The following PPP1R9A variants were observed in gnomAD, a reference collection of about 807,000 sequenced individuals.
PPP1R9A encodes protein phosphatase 1 regulatory subunit 9A.
A neutral mutation model predicts 141.9 loss-of-function variants in PPP1R9A; 59 were observed. That is an observed-to-expected ratio of 0.42 (90% CI 0.34 to 0.52). PPP1R9A has a LOEUF of 0.52. Among genes scored for constraint, PPP1R9A ranks in the 20% least tolerant of loss-of-function variants. PPP1R9A has a pLI of 0.10. For missense variants in PPP1R9A, 1,444 were observed against 1,611.9 expected (o/e 0.90, Z 1.78); for synonymous variants, 500 against 569.7 (o/e 0.88, Z 1.74).
At chr7:95,178,725 A>T (rs1282525184) in intron 5 of PPP1R9A, among the ~76,000 whole-genome samples, 5 of 152,204 alleles carry the variant, frequency 3.3e-5, no homozygotes, top group Admixed American at 6.5e-5. Flanking sequence ...AATACAAAAG[A>T]TCATTCAAGG....
rs1585651479 is a variant in PPP1R9A, at chr7:95,287,715, T to C, written c.3730-821T>C. ...TCTTTTTTTGTTTTTTAAGACAGTC[T>C]CACTCTGTTGCCCAGGCTGGAGTGC... On this transcript the variant is annotated intron_variant, in intron 18 of 19. Coordinates refer to ENST00000433360, the MANE Select transcript of PPP1R9A (RefSeq NM_001166160.2). Among the ~76,000 whole-genome samples, 3 of 152,320 alleles carry C rather than the reference T, an allele frequency of 2.0e-5. No homozygotes were observed. The South Asian group carries it at 6.2e-4, about 32-fold the overall frequency.
intron 19 of PPP1R9A, among the ~76,000 whole-genome samples, chr7:95,289,648 T>C (rs990230273): frequency 2.0e-5 from 3 of 152,222 alleles, no homozygotes; most frequent in African/African-American, 4.8e-5. Context: ...TTGGTTCTCA[T>C]TGTAATGAAA....
Position 95,288,678 on chromosome 7 carries a change from C to A in PPP1R9A, c.3872C>A (p.Thr1291Asn), listed in dbSNP as rs1805803176. 1.9e-6 allele frequency: 3 copies of A among 1,614,034 alleles called. No homozygotes were observed. Among genetic ancestry groups the A allele is most frequent in the Non-Finnish European group, 2.5e-6 (3 of 1,180,010 alleles). The stretch of plus-strand genomic sequence containing the variant: ...TCTGAATTCAGTGCCCAAAACATCA[C>A]TGGAGAACAGCTCCTGCAGTTGGAT... ...YVSEFSAQNI[T>N]GEQLLQLDGN... Residue 1291 changes from threonine (T) to asparagine (N), a missense_variant, in exon 19 of 20, where the codon ACT (threonine) becomes AAT (asparagine). By Grantham distance (65) the Thr-to-Asn change is moderately conservative (BLOSUM62 0). This residue lies in a region of PPP1R9A where 459 missense variants were observed against 513.8 expected (regional missense o/e 0.89). Coordinates refer to ENST00000433360, the MANE Select transcript of PPP1R9A (RefSeq NM_001166160.2).
At chr7:95,024,420 G>T (rs1041009965) in intron 2 of PPP1R9A, among the ~76,000 whole-genome samples, 3 of 152,080 alleles carry the variant, frequency 2.0e-5, no homozygotes, top group African/African-American at 7.2e-5. Context: ...AAATCTCTTT[G>T]TAGGTCTCTA....
chr7:95,206,841 C>T (rs575288448), intron 7 of PPP1R9A, among the ~76,000 whole-genome samples: 1 of 152,070 alleles, frequency 6.6e-6, no homozygotes, highest in East Asian at 1.9e-4. Context: ...TAGACAAAAC[C>T]CAGGGTCCAC....
Position 95,284,235 on chromosome 7 carries a change from A to G in PPP1R9A, c.3514A>G (p.Thr1172Ala). The G allele has an allele frequency of 6.4e-7, 1 of 1,566,796 alleles. No homozygotes were observed. The highest frequency in any genetic ancestry group is 8.7e-7 in the Non-Finnish European group (1 of 1,150,212). Reference sequence around the variant, plus strand: ...GTCCAAGGTAGAAAACACATGGATTACAAAAGCAAACAAGAGAAACCCAAA... The same window carrying G: ...GTCCAAGGTAGAAAACACATGGATTGCAAAAGCAAACAAGAGAAACCCAAA... ...KGSKVENTWI[T>A]KANKRNPNPS... is the part of the protein sequence containing the mutation. The change falls in exon 17 of 20, where the codon ACA (threonine) becomes GCA (alanine). Residue 1172 changes from threonine (T) to alanine (A), a missense_variant. Thr to Ala is a moderately conservative substitution (Grantham distance 58, BLOSUM62 0). Transcript: ENST00000433360.
intron 5 of PPP1R9A, among the ~76,000 whole-genome samples, chr7:95,186,253 A>AT (rs1395746233): frequency 6.7e-6 from 1 of 148,474 alleles, no homozygotes; most frequent in African/African-American, 2.4e-5. Flanking sequence ...CTCCCTAAAT[A>AT]TTTTTTTAGG....
intron 5 of PPP1R9A, chr7:95,176,400 A>G (rs1832899431): frequency 6.6e-6 from 1 of 152,160 alleles, no homozygotes; most frequent in South Asian, 2.1e-4. Flanking sequence ...TACCCAAATG[A>G]GAAGGAACCA....
chr7:95,071,471 T>C (rs1389546880), intron 2 of PPP1R9A, among the ~76,000 whole-genome samples: 1 of 152,008 alleles, frequency 6.6e-6, no homozygotes, highest in Non-Finnish European at 1.5e-5. Context: ...ATACAATATC[T>C]AGTTGAAATT....
In PPP1R9A at chr7:95,018,753, C is replaced by T. The variant is rs749890126; in HGVS notation, c.1396-92506C>T. Among the ~76,000 whole-genome samples the T allele has an allele frequency of 2.6e-5, 4 of 152,240 alleles. No homozygotes were observed. The South Asian group carries it at 6.2e-4, about 24-fold the overall frequency. On this transcript the variant is annotated intron_variant, in intron 2 of 19. Coordinates refer to ENST00000433360, the MANE Select transcript of PPP1R9A (RefSeq NM_001166160.2). ...CCTTGCTTCTGCATTTCCCTGTGGG[C>T]GTTGGTGGTTAAGGAGGACCAATGC...
chr7:95,247,121 C>A (rs1029562893), intron 8 of PPP1R9A, among the ~76,000 whole-genome samples: 3 of 152,118 alleles, frequency 2.0e-5, no homozygotes, highest in African/African-American at 7.2e-5. Context: ...AGCTCACTTG[C>A]CTGTGTATGC....
At chr7:95,222,955 T>C (rs895218494) in intron 7 of PPP1R9A, among the ~76,000 whole-genome samples, 4 of 152,070 alleles carry the variant, frequency 2.6e-5, no homozygotes, top group Admixed American at 6.6e-5. Context: ...GTGTAACTTT[T>C]TTATTTCCAG....
At chr7:95,213,375 C>T (rs546190913) in intron 7 of PPP1R9A, among the ~76,000 whole-genome samples, 230 of 144,406 alleles carry the variant, frequency 1.6e-3, no homozygotes, top group Non-Finnish European at 2.6e-3. Flanking sequence ...GACTACAGCA[C>T]ATTGATGCAA....
chr7:94,997,004 A>G (rs1802280512), intron 2 of PPP1R9A, among the ~76,000 whole-genome samples: 1 of 151,998 alleles, frequency 6.6e-6, no homozygotes. Flanking sequence ...GGGTTTCACC[A>G]TGTTGGTCAG....
At chr7:94,972,714 T>C (rs908625406) in intron 2 of PPP1R9A, among the ~76,000 whole-genome samples, 6 of 152,046 alleles carry the variant, frequency 3.9e-5, no homozygotes, top group Admixed American at 1.3e-4. Flanking sequence ...GCAGTAGGTG[T>C]ACACTGGCAG....
chr7:94,965,776 T>C (rs1255426589), intron 2 of PPP1R9A, among the ~76,000 whole-genome samples: 6 of 152,132 alleles, frequency 3.9e-5, no homozygotes, highest in Admixed American at 3.9e-4. Context: ...TTGTTCTTTT[T>C]GCTTAGGATT....
At chr7:95,086,904 G>A (rs972293715) in intron 2 of PPP1R9A, among the ~76,000 whole-genome samples, 4 of 151,832 alleles carry the variant, frequency 2.6e-5, no homozygotes, top group African/African-American at 4.9e-5. Context: ...AGTTTAGGTC[G>A]GGAGCAAGTG....
intron 7 of PPP1R9A, among the ~76,000 whole-genome samples, chr7:95,220,113 A>G (rs1204791718): frequency 6.6e-6 from 1 of 152,160 alleles, no homozygotes; most frequent in Non-Finnish European, 1.5e-5. Flanking sequence ...GTGTACTAAC[A>G]TTATAAAATT....
intron 2 of PPP1R9A, among the ~76,000 whole-genome samples, chr7:95,081,081 C>T (rs2152282127): frequency 6.6e-6 from 1 of 152,274 alleles, no homozygotes; most frequent in East Asian, 1.9e-4. Context: ...TATGTAGCTT[C>T]ATCTATTCCT....
Sources: allele counts gnomAD v4.1 joint callset (sites outside exome capture counted in the v4.1 genomes callset), GRCh38; gene constraint gnomAD v4.1.1; regional missense constraint gnomAD v4.1.1; transcripts MANE v1.5; gene names NCBI Gene and HGNC (gene_info 2026-07-23, HGNC 2026-07-21).